FGF14: variants seen among roughly 807,000 people sequenced by gnomAD.
The protein encoded by FGF14 is fibroblast growth factor 14.
Under a neutral mutation model 25.5 loss-of-function variants are expected in FGF14, and 5 were observed. The ratio of observed to expected loss-of-function variants is 0.20; its 90% CI spans 0.10 to 0.41. The LOEUF is 0.41. Among genes scored for constraint, FGF14 ranks in the 10% least tolerant of loss-of-function variants. FGF14 has a pLI of 1.00. For synonymous variants in FGF14, 138 were observed against 118.3 expected, an observed-to-expected ratio of 1.17 and a Z score of -1.08; for missense variants, 222 against 320.1, an observed-to-expected ratio of 0.69 and a Z score of 2.34.
intron 1 of FGF14, among the ~76,000 whole-genome samples, chr13:101,884,062 CAAAAAAAAAA>C (rs11315735): frequency 5.8e-4 from 22 of 37,834 alleles, no homozygotes; most frequent in African/African-American, 2.1e-3. Flanking sequence ...GACTCCATCT[CAAAAAAAAAA>C]AAAAAAAAAA....
chr13:102,207,545 G>C (rs2049979815), intron 1 of FGF14, among the ~76,000 whole-genome samples: 2 of 146,808 alleles, frequency 1.4e-5, no homozygotes, highest in African/African-American at 5.1e-5. Context: ...GAAAAATGCT[G>C]GTCTTGAAAA....
intron 1 of FGF14, among the ~76,000 whole-genome samples, chr13:102,316,443 T>C (rs542260755): frequency 1.3e-5 from 2 of 152,314 alleles, no homozygotes; most frequent in Admixed American, 6.5e-5. Flanking sequence ...CATACATATA[T>C]ACAATTATTA....
chr13:102,395,409 T>A (rs2139261922), intron 1 of FGF14: 1 of 152,276 alleles, frequency 6.6e-6, no homozygotes, highest in Middle Eastern at 3.4e-3. Context: ...TGCGAGAGGC[T>A]CGAGTGTGAA....
intron 3 of FGF14, among the ~76,000 whole-genome samples, chr13:101,805,225 T>C (rs535394971): frequency 6.6e-6 from 1 of 152,192 alleles, no homozygotes; most frequent in South Asian, 2.1e-4. Flanking sequence ...ACAGCTCTCT[T>C]AGTGGTTGCC....
chr13:102,014,357 G>C (rs770878098), intron 1 of FGF14, among the ~76,000 whole-genome samples: 5 of 152,026 alleles, frequency 3.3e-5, no homozygotes, highest in Admixed American at 6.6e-5. Context: ...ATAATATTCA[G>C]TATAATTTCA....
intron 1 of FGF14, among the ~76,000 whole-genome samples, chr13:101,882,433 G>A (rs2045757547): frequency 6.6e-6 from 1 of 152,036 alleles, no homozygotes; most frequent in Admixed American, 6.6e-5. Context: ...TATTGCATCA[G>A]GATATTGCAT....
intron 1 of FGF14, among the ~76,000 whole-genome samples, chr13:102,350,185 T>C (rs770753020): frequency 2.6e-5 from 4 of 152,206 alleles, no homozygotes; most frequent in East Asian, 3.9e-4. Flanking sequence ...CTGAGCAACA[T>C]AGTAAGACCT....
chr13:102,306,418 G>GTTCC (rs10700304), intron 1 of FGF14, among the ~76,000 whole-genome samples: 42,331 of 151,826 alleles, frequency 0.28, 6,113 homozygotes, highest in Admixed American at 0.39. Context: ...AGATGATGGA[G>GTTCC]GGGAAGACAA....
chr13:102,033,932 GC>G (rs1341462284), intron 1 of FGF14, among the ~76,000 whole-genome samples: 3 of 152,042 alleles, frequency 2.0e-5, no homozygotes, highest in Admixed American at 6.6e-5. Context: ...AACGCTGTCT[GC>G]CTGAAAAGCC....
intron 3 of FGF14, among the ~76,000 whole-genome samples, chr13:101,757,226 C>T (rs549685398): frequency 1.2e-3 from 176 of 152,200 alleles, no homozygotes; most frequent in African/African-American, 4.0e-3. Flanking sequence ...TGTCTTATTT[C>T]TAAATCACCA....
At chr13:102,380,316 C>T (rs774705493) in intron 1 of FGF14, among the ~76,000 whole-genome samples, 2 of 152,058 alleles carry the variant, frequency 1.3e-5, no homozygotes, top group Admixed American at 6.6e-5. Context: ...AAGTTCAGCA[C>T]GAGTGCCTCC....
Position 101,834,850 on chromosome 13 carries a change from T to C in FGF14, c.408+33875A>G, listed in dbSNP as rs185945285. Among the ~76,000 whole-genome samples the C allele has an allele frequency of 2.9e-3, 447 of 152,204 alleles. 2 individuals are homozygous for C. The highest frequency in any genetic ancestry group is 0.01 in the African/African-American group (427 of 41,558). ...GAATACAGTGTTAGGGTCCTAAGTA[T>C]TCTGGTTAAGATGTTCTGGTACCAT... On this transcript the variant is annotated intron_variant, in intron 3 of 4. Coordinates refer to ENST00000376143, the MANE Select transcript of FGF14 (RefSeq NM_004115.4).
chr13:102,308,221 G>A (rs1451779412), intron 1 of FGF14, among the ~76,000 whole-genome samples: 1 of 152,138 alleles, frequency 6.6e-6, no homozygotes, highest in African/African-American at 2.4e-5. Context: ...TTGGCAGAGG[G>A]TGGGCTGCAC....
At chr13:102,225,300 T>C (rs1043369727) in intron 1 of FGF14, among the ~76,000 whole-genome samples, 1 of 152,012 alleles carries the variant, frequency 6.6e-6, no homozygotes, top group Non-Finnish European at 1.5e-5. Flanking sequence ...CCCCTAAATC[T>C]CCAGTACTTC....
chr13:101,876,550 C>T (rs1566361029), intron 1 of FGF14, among the ~76,000 whole-genome samples: 1 of 152,074 alleles, frequency 6.6e-6, no homozygotes, highest in Non-Finnish European at 1.5e-5. Context: ...TCATTTGAGA[C>T]GTGACTCCAT....
chr13:101,830,523 G>A (rs976412813), intron 3 of FGF14, among the ~76,000 whole-genome samples: 9 of 152,038 alleles, frequency 5.9e-5, no homozygotes, highest in African/African-American at 2.2e-4. Context: ...TTAACGTGAG[G>A]TTGAGAACAT....
chr13:102,191,577 A>G (rs752184833), intron 1 of FGF14, among the ~76,000 whole-genome samples: 14 of 152,166 alleles, frequency 9.2e-5, no homozygotes, highest in Non-Finnish European at 1.6e-4. Flanking sequence ...ATCTCTGAAT[A>G]TCATCATATT....
At chr13:101,997,166 T>C (rs1315732762) in intron 1 of FGF14, among the ~76,000 whole-genome samples, 1 of 152,230 alleles carries the variant, frequency 6.6e-6, no homozygotes, top group Non-Finnish European at 1.5e-5. Flanking sequence ...TATTGTTTAT[T>C]GTCTGTCTTT....
intron 1 of FGF14, among the ~76,000 whole-genome samples, chr13:102,151,060 A>G (rs548174903): frequency 1.3e-5 from 2 of 152,352 alleles, no homozygotes; most frequent in East Asian, 1.9e-4. Context: ...ACAGTTTTCA[A>G]TGAACTTAGG....
Sources: gnomAD v4.1 joint callset for allele counts (sites outside exome capture counted in the v4.1 genomes callset) on GRCh38, gnomAD v4.1.1 for gene constraint, MANE v1.5 for transcripts, NCBI Gene and HGNC (gene_info 2026-07-23, HGNC 2026-07-21) for gene names.